Variants in POFUT3 observed in about 807,000 individuals in gnomAD.
POFUT3 encodes the protein protein O-fucosyltransferase 3.
the POFUT3 span, among the ~76,000 whole-genome samples, chr8:33,435,377 C>G: frequency 1.5e-4 from 23 of 152,086 alleles, no homozygotes; most frequent in Admixed American, 5.2e-4. Flanking sequence ...ACCACCGCAC[C>G]TGGCTAATTT....
the POFUT3 span, among the ~76,000 whole-genome samples, chr8:33,394,929 C>T: frequency 6.6e-5 from 10 of 152,076 alleles, no homozygotes; most frequent in Non-Finnish European, 1.0e-4. Flanking sequence ...CAGCTTAGTA[C>T]TTTTTTTCTA....
chr8:33,435,069 T>C, the POFUT3 span, among the ~76,000 whole-genome samples: 1 of 152,180 alleles, frequency 6.6e-6, no homozygotes, highest in Non-Finnish European at 1.5e-5. Context: ...AATATTTTCT[T>C]ATTCATTCCT....
chr8:33,431,311 C>T, the POFUT3 span, among the ~76,000 whole-genome samples: 1 of 151,610 alleles, frequency 6.6e-6, no homozygotes, highest in Non-Finnish European at 1.5e-5. Flanking sequence ...CTTTGGGGAG[C>T]CAAGGCAGGC....
the POFUT3 span, among the ~76,000 whole-genome samples, chr8:33,435,727 G>T: frequency 6.6e-6 from 1 of 151,476 alleles, no homozygotes; most frequent in African/African-American, 2.4e-5. Context: ...TGTTGGCCAG[G>T]CTGGTCTCGT....
At chr8:33,453,356 T>C in the POFUT3 span, 1 of 1,614,224 alleles carries the variant, frequency 6.2e-7, no homozygotes, top group Non-Finnish European at 8.5e-7. Flanking sequence ...GGGGTAGCTG[T>C]CCAATTCCCA....
chr8:33,415,922 G>T, the POFUT3 span, among the ~76,000 whole-genome samples: 1 of 152,086 alleles, frequency 6.6e-6, no homozygotes, highest in African/African-American at 2.4e-5. Context: ...CTCCCAAACA[G>T]TTTTTTTAGT....
the POFUT3 span, among the ~76,000 whole-genome samples, chr8:33,458,739 CA>C: frequency 1.3e-5 from 2 of 150,812 alleles, no homozygotes; most frequent in African/African-American, 4.9e-5. Context: ...AAAACAAAAA[CA>C]AAAAAAAACT....
At chr8:33,324,271 C>A in the POFUT3 span, among the ~76,000 whole-genome samples, 1 of 152,138 alleles carries the variant, frequency 6.6e-6, no homozygotes, top group Non-Finnish European at 1.5e-5. Context: ...ACTGGGTGCC[C>A]AGGAGGTAGA....
the POFUT3 span, among the ~76,000 whole-genome samples, chr8:33,459,411 A>G: frequency 1.3e-5 from 2 of 152,132 alleles, no homozygotes; most frequent in South Asian, 2.1e-4. Flanking sequence ...GAAGCCAGGT[A>G]GGCAGATCTC....
chr8:33,399,023 C>T, the POFUT3 span, among the ~76,000 whole-genome samples: 3 of 141,202 alleles, frequency 2.1e-5, no homozygotes, highest in Non-Finnish European at 4.5e-5. Flanking sequence ...AAAAGAAGGG[C>T]TTTTTCTAGT....
At chr8:33,449,815 T>G in the POFUT3 span, among the ~76,000 whole-genome samples, 1 of 152,144 alleles carries the variant, frequency 6.6e-6, no homozygotes, top group South Asian at 2.1e-4. Context: ...ATGCCTCCAT[T>G]CATGCTGTTC....
chr8:33,392,752 G>A, the POFUT3 span, among the ~76,000 whole-genome samples: 1 of 151,754 alleles, frequency 6.6e-6, no homozygotes, highest in African/African-American at 2.4e-5. Context: ...GTGGGGCTGA[G>A]GTGGGTGGAT....
At chr8:33,460,852 G>A in the POFUT3 span, 1,885 of 520,458 alleles carry the variant, frequency 3.6e-3, 6 homozygotes, top group Non-Finnish European at 4.2e-3. Context: ...TTTTCTCCCA[G>A]TAGAAAACCT....
the POFUT3 span, among the ~76,000 whole-genome samples, chr8:33,446,955 G>C: frequency 6.6e-6 from 1 of 152,084 alleles, no homozygotes; most frequent in East Asian, 1.9e-4. Flanking sequence ...TCACATGAAG[G>C]CACTGAGAAA....
At chr8:33,410,951 C>T in the POFUT3 span, among the ~76,000 whole-genome samples, 1 of 152,174 alleles carries the variant, frequency 6.6e-6, no homozygotes. Context: ...CCACCCCTAA[C>T]AGCCACTCAC....
the POFUT3 span, chr8:33,371,579 A>T: frequency 1.3e-5 from 2 of 152,102 alleles, no homozygotes; most frequent in Non-Finnish European, 2.9e-5. Flanking sequence ...CCCCTCCCTC[A>T]CATGGAAAGA....
At chr8:33,328,798 C>T in the POFUT3 span, among the ~76,000 whole-genome samples, 1 of 152,280 alleles carries the variant, frequency 6.6e-6, no homozygotes, top group African/African-American at 2.4e-5. Flanking sequence ...ACACCCAAAT[C>T]TGTAAAGGCA....
the POFUT3 span, among the ~76,000 whole-genome samples, chr8:33,457,419 C>T: frequency 7.2e-5 from 11 of 152,056 alleles, no homozygotes; most frequent in Non-Finnish European, 1.3e-4. Context: ...TCACTTGAAC[C>T]CAGGAGATGG....
chr8:33,441,923 G>A, the POFUT3 span, among the ~76,000 whole-genome samples: 5 of 152,206 alleles, frequency 3.3e-5, no homozygotes, highest in African/African-American at 1.2e-4. Context: ...CAGAGGGGAA[G>A]TGCTTAGGTT....
Sources: allele counts gnomAD v4.1 joint callset (sites outside exome capture counted in the v4.1 genomes callset), GRCh38; gene constraint gnomAD v4.1.1; transcripts MANE v1.5; gene names NCBI Gene and HGNC (gene_info 2026-07-23, HGNC 2026-07-21).